Variants in RSU1 observed in about 807,000 individuals in gnomAD.
The protein encoded by RSU1 is Ras suppressor protein 1.
Under a neutral mutation model 31.1 loss-of-function variants are expected in RSU1, and 26 were observed. That is an observed-to-expected ratio of 0.84 (90% CI 0.61 to 1.16). The LOEUF (loss-of-function observed/expected upper bound fraction) is 1.16, where lower values mean the gene tolerates loss of function less well. Among genes scored for constraint, RSU1 ranks in the 50% most tolerant of loss-of-function variants. The pLI, the probability that RSU1 is intolerant of heterozygous loss-of-function variation, is 0.00. For synonymous variants in RSU1, 164 were observed against 136.3 expected, an observed-to-expected ratio of 1.20 and a Z score of -1.41; for missense variants, 320 against 339.1, an observed-to-expected ratio of 0.94 and a Z score of 0.44.
At chr10:16,596,545 G>A (rs1833617223) in intron 8 of RSU1, among the ~76,000 whole-genome samples, 1 of 152,204 alleles carries the variant, frequency 6.6e-6, no homozygotes, top group African/African-American at 2.4e-5. Flanking sequence ...CTGGCAGGAA[G>A]CAAGGGTCTG....
At chr10:16,727,838 T>C (rs936952644) in intron 7 of RSU1, among the ~76,000 whole-genome samples, 3 of 152,172 alleles carry the variant, frequency 2.0e-5, no homozygotes, top group Admixed American at 6.5e-5. Context: ...CAGGAACAGG[T>C]ACCAAGGCAA....
At chr10:16,645,299 C>G (rs1834517020) in intron 8 of RSU1, among the ~76,000 whole-genome samples, 1 of 151,972 alleles carries the variant, frequency 6.6e-6, no homozygotes, top group Admixed American at 6.6e-5. Flanking sequence ...GATTTAGTAC[C>G]AAAGGTGGTT....
At chr10:16,731,694 T>C (rs1836514962) in intron 7 of RSU1, among the ~76,000 whole-genome samples, 1 of 152,208 alleles carries the variant, frequency 6.6e-6, no homozygotes, top group African/African-American at 2.4e-5. Context: ...CGTTAATCGA[T>C]ATTCTAAAAA....
Position 16,792,838 on chromosome 10 carries a change from T to C in RSU1, c.110-10754A>G, listed in dbSNP as rs193215120. ...GACTAGAAACAGCCACAGCTTTAAATAACCCTCATCAGAGGCTCCACAGGA... is the reference window on the plus strand; with the variant it reads ...GACTAGAAACAGCCACAGCTTTAAACAACCCTCATCAGAGGCTCCACAGGA... On this transcript the variant is annotated intron_variant, in intron 2 of 8. Transcript: ENST00000345264. Among the ~76,000 whole-genome samples the C allele has an allele frequency of 4.6e-5, 7 of 152,346 alleles. No homozygotes were observed. In the South Asian group the frequency reaches 1.0e-3, roughly 23 times the overall value.
intron 8 of RSU1, among the ~76,000 whole-genome samples, chr10:16,674,603 C>T (rs917425351): frequency 5.9e-5 from 9 of 151,680 alleles, no homozygotes; most frequent in African/African-American, 1.2e-4. Flanking sequence ...ATAAGAGAGA[C>T]GATAAAATTG....
chr10:16,623,421 C>G lies in RSU1; in HGVS notation c.732-29925G>C, dbSNP rs539880386. Among the ~76,000 whole-genome samples, 78 of 152,294 alleles carry G rather than the reference C, an allele frequency of 5.1e-4. 1 individual carries two copies. Among genetic ancestry groups the G allele is most frequent in the Non-Finnish European group, 8.8e-4 (60 of 68,038 alleles). ...TATATATGCATCACATTCTTTTCAT[C>G]AAATCCAGCACCGATGGGCACCCAG... On this transcript the variant is annotated intron_variant, in intron 8 of 8. Transcript: ENST00000345264.
chr10:16,647,391 C>G (rs1193042180), intron 8 of RSU1, among the ~76,000 whole-genome samples: 1 of 152,332 alleles, frequency 6.6e-6, no homozygotes. Flanking sequence ...GGCAATTCCA[C>G]TCCTAGGTAC....
In RSU1 at chr10:16,593,167, T is replaced by G; in HGVS notation, c.*227A>C. On this transcript the variant is annotated 3_prime_UTR_variant, in exon 9 of 9. Transcript: ENST00000345264. ...TTGAATAAGAGCTTTGTTCCCTGCT[T>G]TTGGTAATGTTAAAGAAACAAATGG... The G allele has an allele frequency of 1.4e-6, 1 of 721,354 alleles. No homozygotes were observed. Among genetic ancestry groups the G allele is most frequent in the Non-Finnish European group, 2.0e-6 (1 of 501,910 alleles). The allele number at this position is 721,354 out of a possible 1,614,324, so 44.7% of individuals were successfully genotyped here. A position where few individuals can be genotyped will look rare whatever the true frequency, so the allele number is the denominator to read the frequency against.
At chr10:16,630,019 C>T (rs1009330321) in intron 8 of RSU1, among the ~76,000 whole-genome samples, 2 of 151,980 alleles carry the variant, frequency 1.3e-5, no homozygotes, top group African/African-American at 4.8e-5. Context: ...CCACGGAATC[C>T]CCAAAAAAGT....
intron 8 of RSU1, among the ~76,000 whole-genome samples, chr10:16,627,762 C>CAA (rs74962434): frequency 0.019 from 1,286 of 67,550 alleles, 25 homozygotes; most frequent in African/African-American, 0.055. Flanking sequence ...CATCTCAATA[C>CAA]AAAAAAAAAA....
At chr10:16,598,925 T>C (rs1833667033) in intron 8 of RSU1, among the ~76,000 whole-genome samples, 1 of 152,012 alleles carries the variant, frequency 6.6e-6, no homozygotes, top group Admixed American at 6.6e-5. Flanking sequence ...TGGGATAAAT[T>C]AAAAAGATGG....
chr10:16,597,459 G>A (rs958498956), intron 8 of RSU1, among the ~76,000 whole-genome samples: 5 of 152,130 alleles, frequency 3.3e-5, no homozygotes, highest in South Asian at 2.1e-4. Context: ...TGCTTTTGAC[G>A]TTTATTAGCT....
At chr10:16,733,884 C>G (rs1174844334) in intron 7 of RSU1, among the ~76,000 whole-genome samples, 3 of 152,202 alleles carry the variant, frequency 2.0e-5, no homozygotes, top group Non-Finnish European at 4.4e-5. Flanking sequence ...TCTGCATTCT[C>G]TTATAGCAAA....
chr10:16,652,392 C>CAAAAA (rs71505091), intron 8 of RSU1, among the ~76,000 whole-genome samples: 23 of 89,126 alleles, frequency 2.6e-4, no homozygotes, highest in Non-Finnish European at 3.5e-4. Context: ...TGCCCCAAAG[C>CAAAAA]AAAAAAAAAA....
intron 2 of RSU1, among the ~76,000 whole-genome samples, chr10:16,803,395 A>C (rs116611949): frequency 3.3e-4 from 51 of 152,312 alleles, no homozygotes; most frequent in African/African-American, 1.2e-3. Flanking sequence ...GTTCATGAAC[A>C]GGAAGACTCA....
chr10:16,764,985 T>C (rs1837283962), intron 3 of RSU1, among the ~76,000 whole-genome samples: 1 of 148,098 alleles, frequency 6.8e-6, no homozygotes, highest in Non-Finnish European at 1.5e-5. Flanking sequence ...AGATGGCTAA[T>C]GGGGGGGGAG....
At chr10:16,804,444 T>C (rs1838223446) in intron 2 of RSU1, among the ~76,000 whole-genome samples, 1 of 152,216 alleles carries the variant, frequency 6.6e-6, no homozygotes, top group Non-Finnish European at 1.5e-5. Flanking sequence ...TATCACATGA[T>C]CCAGTAATCA....
chr10:16,799,246 G>C (rs1838099450), intron 2 of RSU1, among the ~76,000 whole-genome samples: 1 of 152,140 alleles, frequency 6.6e-6, no homozygotes, highest in African/African-American at 2.4e-5. Flanking sequence ...AGCAAATAGA[G>C]ATTCTGGACG....
intron 7 of RSU1, among the ~76,000 whole-genome samples, chr10:16,739,111 T>C (rs368443833): frequency 6.6e-5 from 10 of 152,220 alleles, no homozygotes; most frequent in Admixed American, 3.3e-4. Flanking sequence ...CAGTCTATCA[T>C]TGATGGGCAT....
Sources: allele counts gnomAD v4.1 joint callset (sites outside exome capture counted in the v4.1 genomes callset), GRCh38; gene constraint gnomAD v4.1.1; transcripts MANE v1.5; gene names NCBI Gene and HGNC (gene_info 2026-07-23, HGNC 2026-07-21).